The following EML6 variants were observed in gnomAD, a reference collection of about 807,000 sequenced individuals.
EML6 encodes echinoderm microtubule-associated protein-like 6.
In EML6, 154 loss-of-function variants were observed where a neutral mutation model predicts 240.1. That is an observed-to-expected ratio of 0.64 (90% confidence interval 0.56 to 0.73). EML6 has a LOEUF of 0.73. Ranked by LOEUF, EML6 falls within the 30% of genes least tolerant of loss-of-function variation. The probability of loss-of-function intolerance (pLI) is 0.00; values close to 1 mark genes in which losing one functional copy is unlikely to be tolerated. For synonymous variants in EML6, 1,148 were observed against 899.0 expected (o/e 1.28, Z -4.95); for missense variants, 2,964 against 2,474.6 (o/e 1.20, Z -4.20).
At chr2:54,937,219 G>T (rs1488848263) in intron 28 of EML6, among the ~76,000 whole-genome samples, 1 of 151,610 alleles carries the variant, frequency 6.6e-6, no homozygotes, top group Non-Finnish European at 1.5e-5. Flanking sequence ...TGGAGGTTGT[G>T]GTGAGCCGAG....
At chr2:54,857,683 G>C (rs1287480652) in intron 11 of EML6, among the ~76,000 whole-genome samples, 1 of 152,200 alleles carries the variant, frequency 6.6e-6, no homozygotes, top group East Asian at 1.9e-4. Flanking sequence ...TGCTGTTGTG[G>C]TTTCATTTGA....
intron 2 of EML6, among the ~76,000 whole-genome samples, chr2:54,746,197 G>A (rs1393982085): frequency 6.6e-6 from 1 of 152,224 alleles, no homozygotes; most frequent in African/African-American, 2.4e-5. Flanking sequence ...GCATTTCCTG[G>A]TATCTGGAAG....
intron 24 of EML6, among the ~76,000 whole-genome samples, chr2:54,906,256 T>C (rs1673323059): frequency 6.6e-6 from 1 of 152,214 alleles, no homozygotes; most frequent in African/African-American, 2.4e-5. Flanking sequence ...TTGGGTTTCA[T>C]TTGCGTTTAG....
At position 54,848,040 on chromosome 2, in the gene EML6, T is replaced by C. The variant is rs1241063560; in HGVS notation, c.1187+417T>C. 6.8e-5 allele frequency among the ~76,000 whole-genome samples: 10 copies of C among 146,822 alleles called. No individual in the cohort carries two copies. In the East Asian group the frequency reaches 2.0e-3, roughly 29 times the overall value. On this transcript the variant is annotated intron_variant, in intron 9 of 41. Transcript: ENST00000356458. ...CCAAGCACATCTAATTCCAAGGGTT[T>C]TGGATAAAAGATTGTGGGCTTTGTA...
chr2:54,865,705 A>G (rs1164105586), intron 13 of EML6, among the ~76,000 whole-genome samples: 1 of 152,216 alleles, frequency 6.6e-6, no homozygotes, highest in Non-Finnish European at 1.5e-5. Context: ...TGAAATCCAA[A>G]ACATTTCTGA....
chr2:54,960,756 A>G (rs147857725), intron 35 of EML6, among the ~76,000 whole-genome samples: 1 of 152,224 alleles, frequency 6.6e-6, no homozygotes, highest in Non-Finnish European at 1.5e-5. Flanking sequence ...GGGCCACCAA[A>G]CTGTCTGACT....
intron 16 of EML6, among the ~76,000 whole-genome samples, chr2:54,875,459 A>T (rs1234506288): frequency 6.6e-6 from 1 of 152,194 alleles, no homozygotes; most frequent in Non-Finnish European, 1.5e-5. Context: ...CTTAGGAGTT[A>T]GCTCTTTTGG....
At chr2:54,819,068 C>G (rs1668207491) in intron 4 of EML6, among the ~76,000 whole-genome samples, 1 of 152,198 alleles carries the variant, frequency 6.6e-6, no homozygotes, top group Non-Finnish European at 1.5e-5. Context: ...GTTAGAGATG[C>G]TCAGACTTGC....
At chr2:54,767,518 C>T (rs549319103) in intron 2 of EML6, among the ~76,000 whole-genome samples, 1 of 151,810 alleles carries the variant, frequency 6.6e-6, no homozygotes, top group South Asian at 2.1e-4. Flanking sequence ...TCTACTATGT[C>T]TATTGCAATT....
chr2:54,796,330 C>T (rs1358208226), intron 2 of EML6, among the ~76,000 whole-genome samples: 4 of 152,094 alleles, frequency 2.6e-5, no homozygotes, highest in African/African-American at 9.7e-5. Context: ...CTCAAAATAA[C>T]ACAATAGGAG....
intron 2 of EML6, among the ~76,000 whole-genome samples, chr2:54,756,502 A>G (rs1032565100): frequency 6.6e-6 from 1 of 152,102 alleles, no homozygotes; most frequent in Non-Finnish European, 1.5e-5. Flanking sequence ...TCCTGATTTT[A>G]TATTGTCATA....
intron 2 of EML6, among the ~76,000 whole-genome samples, chr2:54,738,369 G>GC (rs1683489800): frequency 6.6e-6 from 1 of 152,180 alleles, no homozygotes; most frequent in Admixed American, 6.5e-5. Flanking sequence ...AGGCTATGAA[G>GC]CCTATAGACA....
At chr2:54,901,117 T>G (rs984163106) in intron 22 of EML6, among the ~76,000 whole-genome samples, 1 of 152,230 alleles carries the variant, frequency 6.6e-6, no homozygotes, top group African/African-American at 2.4e-5. Flanking sequence ...CCATGTAGTC[T>G]TTGTAGGAAC....
intron 24 of EML6, 41 bp downstream of exon 24, chr2:54,903,543 T>A (rs1019584637): frequency 6.7e-7 from 1 of 1,486,582 alleles, no homozygotes; most frequent in African/African-American, 1.4e-5. Flanking sequence ...TTTCTGTGTT[T>A]AAAAAATGTC....
chr2:54,954,511 G>A (rs1380430408), intron 32 of EML6, among the ~76,000 whole-genome samples: 1 of 152,198 alleles, frequency 6.6e-6, no homozygotes, highest in African/African-American at 2.4e-5. Flanking sequence ...TGCTCTTTCT[G>A]ATGGCCCCTG....
rs149697448 is a variant in EML6 at position 54,754,248 on chromosome 2, G to A, written c.197+28990G>A. Among the ~76,000 whole-genome samples, 308 of 152,028 alleles carry A rather than the reference G, an allele frequency of 2.0e-3. 3 individuals carry two copies. Among genetic ancestry groups the A allele is most frequent in the African/African-American group, 6.9e-3 (285 of 41,450 alleles). On this transcript the variant is annotated intron_variant, in intron 2 of 41. Transcript: ENST00000356458. Reference sequence around the variant, plus strand: ...TGCCTCAGCCTCTTGAGTTAGCTGCGATTACAGGTGGGAGCCACTGCACCT... The same window carrying A: ...TGCCTCAGCCTCTTGAGTTAGCTGCAATTACAGGTGGGAGCCACTGCACCT...
chr2:54,948,051 T>C (rs1399072340), intron 28 of EML6, among the ~76,000 whole-genome samples: 4 of 152,206 alleles, frequency 2.6e-5, no homozygotes, highest in Non-Finnish European at 5.9e-5. Flanking sequence ...GAGCAATAAC[T>C]AATTACTTTG....
intron 14 of EML6, 33 bp downstream of exon 14, chr2:54,866,917 T>A: frequency 7.7e-7 from 1 of 1,297,738 alleles, no homozygotes; most frequent in South Asian, 1.3e-5. Context: ...CCGTATGTGT[T>A]CCTCTGTCTC....
intron 2 of EML6, among the ~76,000 whole-genome samples, chr2:54,763,264 A>G (rs1030222559): frequency 1.3e-5 from 2 of 152,224 alleles, no homozygotes; most frequent in Non-Finnish European, 2.9e-5. Context: ...TCAAAGTTCT[A>G]TGTTCAGAAG....
Sources: gnomAD v4.1 joint callset for allele counts (sites outside exome capture counted in the v4.1 genomes callset) on GRCh38, gnomAD v4.1.1 for gene constraint, MANE v1.5 for transcripts, NCBI Gene and HGNC (gene_info 2026-07-23, HGNC 2026-07-21) for gene names.